BCL2: variants seen among roughly 807,000 people sequenced by gnomAD.
The protein encoded by BCL2 is BCL2 apoptosis regulator, also known as apoptosis regulator Bcl-2.
In BCL2, 1 loss-of-function variant was observed where a neutral mutation model predicts 14.2. The ratio of observed to expected loss-of-function variants is 0.07; its 90% CI spans 0.02 to 0.33. BCL2 has a LOEUF of 0.33. Among genes scored for constraint, BCL2 ranks in the 10% least tolerant of loss-of-function variants. The pLI, the probability that BCL2 is intolerant of heterozygous loss-of-function variation, is 0.99. For synonymous variants in BCL2, 151 were observed against 137.2 expected (o/e 1.10, Z -0.70); for missense variants, 247 against 305.9 (o/e 0.81, Z 1.44).
chr18:63,165,887 G>A (rs1231163926), intron 2 of BCL2, among the ~76,000 whole-genome samples: 2 of 152,224 alleles, frequency 1.3e-5, no homozygotes, highest in African/African-American at 4.8e-5. Flanking sequence ...CCCAGGTTGG[G>A]TCTAATTGAG....
intron 2 of BCL2, among the ~76,000 whole-genome samples, chr18:63,277,444 C>T (rs912703459): frequency 3.1e-5 from 4 of 129,944 alleles, no homozygotes; most frequent in Admixed American, 1.8e-4. Flanking sequence ...ACCAGCCTGG[C>T]GAGACCCTGT....
intron 2 of BCL2, among the ~76,000 whole-genome samples, chr18:63,311,468 A>G (rs1913316800): frequency 6.6e-6 from 1 of 152,192 alleles, no homozygotes; most frequent in South Asian, 2.1e-4. Flanking sequence ...GAAAAGATGT[A>G]TTGGTCTCAA....
chr18:63,254,383 TAAAAAAAAAAAAAAA>T (rs71162613), intron 2 of BCL2, among the ~76,000 whole-genome samples: 1 of 38,412 alleles, frequency 2.6e-5, no homozygotes, highest in African/African-American at 1.1e-4. Context: ...CTGTCTTTGC[TAAAAAAAAAAAAAAA>T]AAAAAAAAAA....
chr18:63,211,913 A>G (rs1042856361), intron 2 of BCL2, among the ~76,000 whole-genome samples: 2 of 152,232 alleles, frequency 1.3e-5, no homozygotes, highest in African/African-American at 2.4e-5. Flanking sequence ...ACCAAAATGC[A>G]ATCAGGTTTC....
Position 63,128,387 on chromosome 18 carries a change from T to A in BCL2, c.*238A>T, listed in dbSNP as rs924249444. On this transcript the variant is annotated 3_prime_UTR_variant, in exon 3 of 3. Transcript: ENST00000333681. ...AAATAAATAAATCTTTTTTTCTTAA[T>A]AATGTAAAAAATAAATGATATTTCC... is the stretch of plus-strand genomic sequence containing the variant. The A allele has an allele frequency of 2.5e-6, 1 of 392,302 alleles. No homozygotes were observed. Among genetic ancestry groups the A allele is most frequent in the Non-Finnish European group, 4.6e-6 (1 of 219,762 alleles). 24.3% of individuals were successfully genotyped at this position (392,302 alleles called of 1,614,324 possible). A position where few individuals can be genotyped will look rare whatever the true frequency, so the allele number is the denominator to read the frequency against.
At chr18:63,233,789 T>A (rs1249104007) in intron 2 of BCL2, among the ~76,000 whole-genome samples, 1 of 152,140 alleles carries the variant, frequency 6.6e-6, no homozygotes, top group East Asian at 1.9e-4. Flanking sequence ...TATGTAACAG[T>A]GCAACTTCTA....
At chr18:63,236,284 T>C (rs1910826834) in intron 2 of BCL2, among the ~76,000 whole-genome samples, 1 of 152,224 alleles carries the variant, frequency 6.6e-6, no homozygotes, top group South Asian at 2.1e-4. Flanking sequence ...TTCATAGCAG[T>C]ATGAAAACAG....
At chr18:63,283,612 T>C (rs1912376901) in intron 2 of BCL2, among the ~76,000 whole-genome samples, 1 of 152,216 alleles carries the variant, frequency 6.6e-6, no homozygotes, top group Non-Finnish European at 1.5e-5. Flanking sequence ...GGAATGATCT[T>C]CTGCTCATGG....
intron 2 of BCL2, among the ~76,000 whole-genome samples, chr18:63,214,958 C>T (rs940953741): frequency 2.6e-5 from 4 of 152,182 alleles, no homozygotes; most frequent in African/African-American, 9.6e-5. Context: ...ACCCACCTGC[C>T]TCTGCCTCCC....
intron 2 of BCL2, among the ~76,000 whole-genome samples, chr18:63,167,201 C>T (rs8089583): frequency 0.01 from 1,577 of 152,208 alleles, 20 homozygotes; most frequent in African/African-American, 0.036. Context: ...CTGTCTTTCT[C>T]GCCTTCCTTC....
At chr18:63,256,443 C>T (rs866884835) in intron 2 of BCL2, among the ~76,000 whole-genome samples, 4 of 152,184 alleles carry the variant, frequency 2.6e-5, no homozygotes, top group Non-Finnish European at 5.9e-5. Context: ...TCTTGAACTT[C>T]CGACCTCGAG....
chr18:63,169,726 T>C (rs1915178767), intron 2 of BCL2, among the ~76,000 whole-genome samples: 1 of 151,992 alleles, frequency 6.6e-6, no homozygotes, highest in Non-Finnish European at 1.5e-5. Flanking sequence ...GGTTTCACCA[T>C]GTTGGCCAGG....
intron 2 of BCL2, among the ~76,000 whole-genome samples, chr18:63,217,983 G>T (rs1210757221): frequency 6.6e-6 from 1 of 152,002 alleles, no homozygotes; most frequent in Admixed American, 6.6e-5. Flanking sequence ...TAGAAGAATG[G>T]AAAAAAGGAA....
rs1305101808 is a variant in BCL2 at position 63,198,688 on chromosome 18, GACAC to G, written c.586-69933_586-69930del. On this transcript the variant is annotated intron_variant, in intron 2 of 2. Transcript: ENST00000333681. ...CAGACACAAAGACACAACAGACACA[GACAC>G]ACACACTGACACACAGAGACACACA... is the stretch of plus-strand genomic sequence containing the variant. 1.4e-3 allele frequency among the ~76,000 whole-genome samples: 109 copies of G among 78,006 alleles called. 2 individuals are homozygous for G. Among genetic ancestry groups the G allele is most frequent in the African/African-American group, 5.2e-3 (99 of 19,056 alleles). 51.2% of individuals were successfully genotyped at this position (78,006 alleles called of 152,430 possible). A position where few individuals can be genotyped will look rare whatever the true frequency, so the allele number is the denominator to read the frequency against.
At chr18:63,292,473 G>A (rs1349774416) in intron 2 of BCL2, among the ~76,000 whole-genome samples, 1 of 152,082 alleles carries the variant, frequency 6.6e-6, no homozygotes, top group Non-Finnish European at 1.5e-5. Context: ...TTCTAATTGT[G>A]GTTCCAGACT....
In BCL2 at chr18:63,318,052, G is replaced by C. The variant is rs772635691; in HGVS notation, c.585+30C>G. 6.2e-7 allele frequency: 1 copy of C among 1,611,032 alleles called. No homozygotes were observed. Among genetic ancestry groups the C allele is most frequent in the Non-Finnish European group, 8.5e-7 (1 of 1,178,368 alleles). On this transcript the variant is annotated intron_variant, in intron 2 of 2. Transcript: ENST00000333681. This position sits in a 1 kb window ranked among gnomAD's most constrained non-coding sequence, Gnocchi z 7.4. Reference sequence around the variant, plus strand: ...CCCGCATCTCGGACCTGTGGCCTCAGCCCAGACTCACATCACCAAGTGCAC... The same window carrying C: ...CCCGCATCTCGGACCTGTGGCCTCACCCCAGACTCACATCACCAAGTGCAC...
At chr18:63,270,826 T>A (rs891313654) in intron 2 of BCL2, among the ~76,000 whole-genome samples, 3 of 135,262 alleles carry the variant, frequency 2.2e-5, no homozygotes, top group Non-Finnish European at 4.6e-5. Context: ...ACTTGAAGAA[T>A]TTTTTTTTTT....
At chr18:63,274,542 C>T (rs984584247) in intron 2 of BCL2, among the ~76,000 whole-genome samples, 4 of 152,076 alleles carry the variant, frequency 2.6e-5, no homozygotes, top group Non-Finnish European at 5.9e-5. Context: ...ATCTTGGACT[C>T]CCAAAGTGCT....
rs554011698 is a variant in BCL2, at chr18:63,149,848, T to C, written c.586-21089A>G. 9.4e-4 allele frequency among the ~76,000 whole-genome samples: 59 copies of C among 62,992 alleles called. 1 individual carries two copies. The South Asian group carries it at 0.011, about 12-fold the overall frequency. The allele number at this position is 62,992 out of a possible 152,430, so 41.3% of individuals were successfully genotyped here. A position where few individuals can be genotyped will look rare whatever the true frequency, so the allele number is the denominator to read the frequency against. On this transcript the variant is annotated intron_variant, in intron 2 of 2. Coordinates refer to ENST00000333681, the MANE Select transcript of BCL2 (RefSeq NM_000633.3). The surrounding 1 kb of genome is among the most constrained non-coding windows in gnomAD (Gnocchi z 4.2). The stretch of plus-strand genomic sequence containing the variant: ...AAGGGTTCTCCTGACATGAGGCATT[T>C]ATTTATTTATTTATTTATTTATTTA...
Sources: gnomAD v4.1 joint callset for allele counts (sites outside exome capture counted in the v4.1 genomes callset) on GRCh38, gnomAD v4.1.1 for gene constraint, Gnocchi (gnomAD v3.1) non-coding constraint, MANE v1.5 for transcripts, NCBI Gene and HGNC (gene_info 2026-07-23, HGNC 2026-07-21) for gene names.